Variants in C21orf91 observed in about 807,000 individuals in gnomAD.
C21orf91 encodes the protein protein EURL homolog.
C21orf91 carries 26 observed loss-of-function variants against 32.9 expected under a neutral mutation model. The ratio of observed to expected loss-of-function variants is 0.79; its 90% CI spans 0.58 to 1.10. The LOEUF is 1.10. C21orf91 is among the 50% of genes least tolerant of loss of function. The pLI is 0.00. For synonymous variants in C21orf91, 126 were observed against 120.4 expected, an observed-to-expected ratio of 1.05 and a Z score of -0.31; for missense variants, 310 against 341.3, an observed-to-expected ratio of 0.91 and a Z score of 0.72.
At chr21:17,811,012 C>T (rs937893104) in intron 2 of C21orf91, among the ~76,000 whole-genome samples, 5 of 152,278 alleles carry the variant, frequency 3.3e-5, no homozygotes, top group Admixed American at 2.0e-4. Flanking sequence ...TGTCTTAGGA[C>T]CTAAACTTTA....
rs2062525087 is a variant in C21orf91, at chr21:17,797,077, C to G, written c.169G>C (p.Gly57Arg). 1 of 1,608,650 alleles carries G rather than the reference C, an allele frequency of 6.2e-7. No individual in the cohort carries two copies. Among genetic ancestry groups the G allele is most frequent in the East Asian group, 2.2e-5 (1 of 44,816 alleles). Residue 57 changes from glycine (G) to arginine (R), a missense_variant, in exon 3 of 5, where the codon GGC becomes CGC. Physicochemically the swap from Gly to Arg is moderately radical, Grantham distance 125 (BLOSUM62 -2). Transcript: ENST00000284881. ...SDLLHTKSLR[G>R]HKDCFEKYHL... The stretch of plus-strand genomic sequence containing the variant: ...TATTTTTCAAAGCAGTCTTTATGGC[C>G]CCTTAATGATTTGGTGTGCAAGAGA...
Position 17,789,992 on chromosome 21 carries a change from C to A in C21orf91, c.*3423G>T, listed in dbSNP as rs985210931. ...CTTACATCTGAACAAAAAGTATTAA[C>A]TTTTTTATAGCGTATTACACTTCTT... On this transcript the variant is annotated 3_prime_UTR_variant, in exon 5 of 5. Coordinates refer to ENST00000284881, the MANE Select transcript of C21orf91 (RefSeq NM_001100420.2). The A allele has an allele frequency of 1.3e-5, 2 of 152,072 alleles. No individual in the cohort carries two copies. The highest frequency in any genetic ancestry group is 4.8e-5 in the African/African-American group (2 of 41,422). 9.4% of individuals were successfully genotyped at this position (152,072 alleles called of 1,614,324 possible).
At chr21:17,796,514 A>G (rs1218969707) in intron 3 of C21orf91, 68 bp downstream of exon 3, 1 of 1,167,928 alleles carries the variant, frequency 8.6e-7, no homozygotes, top group South Asian at 1.5e-5. Flanking sequence ...TTGACCCATT[A>G]CACATCTATA....
At chr21:17,804,131 A>C (rs2062580147) in intron 2 of C21orf91, among the ~76,000 whole-genome samples, 1 of 152,170 alleles carries the variant, frequency 6.6e-6, no homozygotes, top group South Asian at 2.1e-4. Context: ...TTTTGTGCTC[A>C]ATTCGACTAG....
In C21orf91 at chr21:17,801,699, T is replaced by TG. The variant is rs528666400; in HGVS notation, c.128-4582dup. On this transcript the variant is annotated intron_variant, in intron 2 of 4. Transcript: ENST00000284881. ...ATCACAAACTGGGGCCTGTTGGGGG[T>TG]GGGGGGCTAGGGGAGGGATAACATT... Among the ~76,000 whole-genome samples, 74 of 45,184 alleles carry TG rather than the reference T, an allele frequency of 1.6e-3. 2 individuals are homozygous for TG. In the South Asian group the frequency reaches 0.05, roughly 31 times the overall value. The allele number at this position is 45,184 out of a possible 152,430, so 29.6% of individuals were successfully genotyped here. A position where few individuals can be genotyped will look rare whatever the true frequency, so the allele number is the denominator to read the frequency against.
Position 17,805,617 on chromosome 21 carries a change from G to A in C21orf91, c.128-8499C>T, listed in dbSNP as rs187369417. On this transcript the variant is annotated intron_variant, in intron 2 of 4. Coordinates refer to ENST00000284881, the MANE Select transcript of C21orf91 (RefSeq NM_001100420.2). ...GCGTGAGCCACCACACCCAGCTAGC[G>A]TACTGATATATTAATATGGGATATT... 1.4e-4 allele frequency among the ~76,000 whole-genome samples: 22 copies of A among 152,100 alleles called. No homozygotes were observed. In the East Asian group the frequency reaches 1.9e-3, roughly 13 times the overall value.
At chr21:17,800,746 G>A (rs1298939765) in intron 2 of C21orf91, among the ~76,000 whole-genome samples, 3 of 152,160 alleles carry the variant, frequency 2.0e-5, no homozygotes, top group Non-Finnish European at 4.4e-5. Context: ...GAAGGCCAAC[G>A]TAATTGACTT....
At chr21:17,793,633 T>C in intron 4 of C21orf91, 52 bp from the exon 5 acceptor site, 2 of 1,208,320 alleles carry the variant, frequency 1.7e-6, no homozygotes, top group East Asian at 2.4e-5. Context: ...GCCGGTGCTA[T>C]GATTTATATT....
chr21:17,805,795 C>T (rs2062590250), intron 2 of C21orf91, among the ~76,000 whole-genome samples: 1 of 152,064 alleles, frequency 6.6e-6, no homozygotes, highest in African/African-American at 2.4e-5. Context: ...TTCCATATTC[C>T]CCTAAAGGAT....
At chr21:17,799,791 G>C (rs1199819270) in intron 2 of C21orf91, among the ~76,000 whole-genome samples, 1 of 152,130 alleles carries the variant, frequency 6.6e-6, no homozygotes, top group East Asian at 1.9e-4. Context: ...TATATTCTCA[G>C]TGTCAAAATG....
intron 2 of C21orf91, among the ~76,000 whole-genome samples, chr21:17,809,619 T>C (rs993836133): frequency 6.6e-6 from 1 of 152,222 alleles, no homozygotes; most frequent in Non-Finnish European, 1.5e-5. Flanking sequence ...GTGTCTATTA[T>C]ACTTCATAGT....
At chr21:17,807,242 G>A (rs2062602734) in intron 2 of C21orf91, among the ~76,000 whole-genome samples, 1 of 152,160 alleles carries the variant, frequency 6.6e-6, no homozygotes, top group African/African-American at 2.4e-5. Context: ...CCCCCTTGCT[G>A]TTCTCATGAT....
chr21:17,794,840 G>A (rs947679991), intron 4 of C21orf91, among the ~76,000 whole-genome samples: 1 of 152,016 alleles, frequency 6.6e-6, no homozygotes, highest in Non-Finnish European at 1.5e-5. Flanking sequence ...GCTGAGGCAG[G>A]AGGACTGTTT....
At chr21:17,811,319 A>G (rs2062631035) in intron 2 of C21orf91, 1 of 152,234 alleles carries the variant, frequency 6.6e-6, no homozygotes, top group African/African-American at 2.4e-5. Context: ...AATACCTGGT[A>G]AATAATATCC....
rs1452036700 is a variant in C21orf91 at position 17,791,849 on chromosome 21, C to A, written c.*1566G>T. On this transcript the variant is annotated 3_prime_UTR_variant, in exon 5 of 5. Transcript: ENST00000284881. ...CCCTCCAAAAAGTAATGTTATACTT[C>A]AAAGAAAAACAAAATCAACAGATAT... 1.3e-5 allele frequency: 2 copies of A among 152,042 alleles called. No homozygotes were observed. The highest frequency in any genetic ancestry group is 6.6e-5 in the Admixed American group (1 of 15,258). 9.4% of individuals were successfully genotyped at this position (152,042 alleles called of 1,614,324 possible).
At chr21:17,798,038 T>C (rs2062532903) in intron 2 of C21orf91, among the ~76,000 whole-genome samples, 1 of 152,164 alleles carries the variant, frequency 6.6e-6, no homozygotes, top group Admixed American at 6.5e-5. Context: ...GCGCTACTTT[T>C]ATGCTGAAGG....
intron 2 of C21orf91, among the ~76,000 whole-genome samples, chr21:17,807,077 T>C (rs989968817): frequency 2.0e-5 from 3 of 152,222 alleles, no homozygotes; most frequent in Non-Finnish European, 1.5e-5. Flanking sequence ...GTAGGAATTA[T>C]ATTTTATCTA....
rs1278823641 is a variant in C21orf91, at chr21:17,801,703, G to A, written c.128-4585C>T. ...CAAACTGGGGCCTGTTGGGGGTGGGGGGCTAGGGGAGGGATAACATTAGGA... is the reference window on the plus strand; with the variant it reads ...CAAACTGGGGCCTGTTGGGGGTGGGAGGCTAGGGGAGGGATAACATTAGGA... On this transcript the variant is annotated intron_variant, in intron 2 of 4. Transcript: ENST00000284881. Among the ~76,000 whole-genome samples, 4 of 151,766 alleles carry A rather than the reference G, an allele frequency of 2.6e-5. No individual in the cohort carries two copies. The East Asian group carries it at 7.8e-4, about 29-fold the overall frequency.
chr21:17,796,870 T>G lies in C21orf91; in HGVS notation c.376A>C (p.Lys126Gln). Residue 126 changes from lysine to glutamine, a missense_variant, in exon 3 of 5, where the codon AAG becomes CAG. Transcript: ENST00000284881. ...TGTGGGAGTAATTTTTCTTCTGGCT[T>G]ATGCCTGAAATTAAACAGATGATGC... is the stretch of plus-strand genomic sequence containing the variant. ...PQHHLFNFRH[K>Q]PEEKLLPQFD... The G allele has an allele frequency of 1.9e-6, 3 of 1,614,026 alleles. No homozygotes were observed. The highest frequency in any genetic ancestry group is 2.5e-6 in the Non-Finnish European group (3 of 1,179,976).
Sources: gnomAD v4.1 joint callset for allele counts (sites outside exome capture counted in the v4.1 genomes callset) on GRCh38, gnomAD v4.1.1 for gene constraint, MANE v1.5 for transcripts, NCBI Gene and HGNC (gene_info 2026-07-23, HGNC 2026-07-21) for gene names.